WWOX: variants seen among roughly 807,000 people sequenced by gnomAD.
The protein encoded by WWOX is WW domain-containing oxidoreductase.
A neutral mutation model predicts 46.2 loss-of-function variants in WWOX; 69 were observed. The ratio of observed to expected loss-of-function variants is 1.49; its 90% CI spans 1.23 to 1.82. The LOEUF (loss-of-function observed/expected upper bound fraction) is 1.82. WWOX is among the 40% of genes most tolerant of loss of function. WWOX has a pLI of 0.00. For missense variants in WWOX, 919 were observed against 542.6 expected (o/e 1.69, Z -6.89); for synonymous variants, 359 against 202.6 (o/e 1.77, Z -6.56).
At position 79,085,625 on chromosome 16, in the gene WWOX, C is replaced by G. The variant is rs144266989; in HGVS notation, c.1057-125983C>G. ...GTGGTCCACATAGAAAAACCTGTTTCTCTATTTTGTTTTCAAAATTATATC... is the reference window on the plus strand; with the variant it reads ...GTGGTCCACATAGAAAAACCTGTTTGTCTATTTTGTTTTCAAAATTATATC... On this transcript the variant is annotated intron_variant, in intron 8 of 8. Coordinates refer to ENST00000566780, the MANE Select transcript of WWOX (RefSeq NM_016373.4). 7.3e-3 allele frequency among the ~76,000 whole-genome samples: 1,105 copies of G among 152,254 alleles called. 18 individuals are homozygous for G. Among genetic ancestry groups the G allele is most frequent in the African/African-American group, 0.025 (1,054 of 41,562 alleles).
chr16:78,490,556 T>C (rs1055920932), intron 8 of WWOX, among the ~76,000 whole-genome samples: 1 of 152,186 alleles, frequency 6.6e-6, no homozygotes, highest in Non-Finnish European at 1.5e-5. Flanking sequence ...TTCTGGCTTG[T>C]TGTGGGACGG....
intron 8 of WWOX, among the ~76,000 whole-genome samples, chr16:78,956,885 C>G (rs553705428): frequency 9.2e-5 from 14 of 152,254 alleles, no homozygotes; most frequent in Admixed American, 5.2e-4. Flanking sequence ...TTGAGCCACT[C>G]AAAATTCTGG....
intron 8 of WWOX, among the ~76,000 whole-genome samples, chr16:78,518,068 G>C (rs539203096): frequency 7.9e-5 from 12 of 152,026 alleles, no homozygotes; most frequent in African/African-American, 2.7e-4. Flanking sequence ...TGGAGCTTCA[G>C]TTTCCCCATC....
intron 5 of WWOX, among the ~76,000 whole-genome samples, chr16:78,297,226 G>A (rs944756449): frequency 1.3e-5 from 2 of 152,118 alleles, no homozygotes; most frequent in African/African-American, 4.8e-5. Flanking sequence ...CTCGCACGGA[G>A]CATGCAGCTG....
At chr16:78,897,191 C>G (rs141942530) in intron 8 of WWOX, 4 of 126,104 alleles carry the variant, frequency 3.2e-5, no homozygotes, top group Non-Finnish European at 4.7e-5. Flanking sequence ...TTGCAGTGAG[C>G]CAAGATGGCA....
rs565835850 is a variant in WWOX at position 78,571,078 on chromosome 16, CCTTT to C, written c.1056+138331_1056+138334del. ...TTGAGGTTTGAAGGGAAGTATTGCT[CCTTT>C]CTTTATCTGCAATGGGAAAGCTTAC... On this transcript the variant is annotated intron_variant, in intron 8 of 8. Coordinates refer to ENST00000566780, the MANE Select transcript of WWOX (RefSeq NM_016373.4). Among the ~76,000 whole-genome samples the C allele has an allele frequency of 3.3e-5, 5 of 152,134 alleles. No homozygotes were observed. The South Asian group carries it at 8.3e-4, about 25-fold the overall frequency.
At chr16:78,118,600 T>C (rs1411784983) in intron 4 of WWOX, among the ~76,000 whole-genome samples, 1 of 152,178 alleles carries the variant, frequency 6.6e-6, no homozygotes, top group Non-Finnish European at 1.5e-5. Flanking sequence ...CAAAATAATA[T>C]GGCCCTTTGC....
intron 8 of WWOX, among the ~76,000 whole-genome samples, chr16:78,920,501 C>T (rs1162621419): frequency 1.3e-5 from 2 of 152,134 alleles, no homozygotes; most frequent in Non-Finnish European, 2.9e-5. Context: ...CTGCCTGCAT[C>T]CCCAACCCAG....
rs756762196 is a variant in WWOX, at chr16:78,425,054, C to G, written c.790C>G (p.Arg264Gly). The G allele has an allele frequency of 2.5e-6, 4 of 1,613,428 alleles. No individual in the cohort carries two copies. The highest frequency in any genetic ancestry group is 3.4e-6 in the Non-Finnish European group (4 of 1,180,024). ...CATTGTGGTCTCCTCAGAGTCCCAT[C>G]GGTGGGTTTGAATTGCATATTTGTT... Reference protein sequence around the residue: ...RVIVVSSESHRFTDINDSLGK... With the variant: ...RVIVVSSESHGFTDINDSLGK... The change falls in exon 7 of 9, where the codon CGA becomes GGA. Residue 264 changes from arginine to glycine, a missense_variant and splice_region_variant. Arg to Gly is a moderately radical substitution (Grantham distance 125). Coordinates refer to ENST00000566780, the MANE Select transcript of WWOX (RefSeq NM_016373.4).
chr16:79,120,030 G>T (rs1305599102), intron 8 of WWOX, among the ~76,000 whole-genome samples: 1 of 152,166 alleles, frequency 6.6e-6, no homozygotes, highest in African/African-American at 2.4e-5. Flanking sequence ...CAGTGGCCGT[G>T]GCCTGGGCAG....
intron 8 of WWOX, among the ~76,000 whole-genome samples, chr16:78,445,546 G>A (rs905062319): frequency 1.3e-5 from 2 of 152,136 alleles, no homozygotes; most frequent in Non-Finnish European, 2.9e-5. Flanking sequence ...GCTTTAATTT[G>A]AGTAATTGTT....
At chr16:79,110,909 A>G (rs542891616) in intron 8 of WWOX, 1 of 152,314 alleles carries the variant, frequency 6.6e-6, no homozygotes, top group African/African-American at 2.4e-5. Flanking sequence ...GTTTTGAGAA[A>G]TGAGATATCG....
At chr16:78,753,046 G>T (rs1447956321) in intron 8 of WWOX, among the ~76,000 whole-genome samples, 4 of 152,192 alleles carry the variant, frequency 2.6e-5, no homozygotes, top group African/African-American at 7.2e-5. Context: ...TATAATCCCA[G>T]CACTTTGGGA....
chr16:78,382,033 A>G (rs996332858), intron 5 of WWOX, among the ~76,000 whole-genome samples: 5 of 151,994 alleles, frequency 3.3e-5, no homozygotes, highest in Non-Finnish European at 7.4e-5. Flanking sequence ...GTTATATTTT[A>G]GATGCTTTTT....
intron 8 of WWOX, among the ~76,000 whole-genome samples, chr16:79,021,018 A>G (rs975119406): frequency 6.6e-6 from 1 of 152,192 alleles, no homozygotes; most frequent in Admixed American, 6.5e-5. Context: ...TGGAAGACCA[A>G]GAGGATACAC....
At chr16:78,394,011 T>C (rs942069148) in intron 6 of WWOX, among the ~76,000 whole-genome samples, 2 of 152,228 alleles carry the variant, frequency 1.3e-5, no homozygotes, top group East Asian at 3.8e-4. Flanking sequence ...TGGATTCATA[T>C]TCCAAATTTT....
chr16:78,710,051 G>C (rs987167032), intron 8 of WWOX, among the ~76,000 whole-genome samples: 2 of 152,004 alleles, frequency 1.3e-5, no homozygotes, highest in African/African-American at 2.4e-5. Flanking sequence ...TTTCTTACCA[G>C]CCTGGGCCAG....
chr16:78,472,020 C>T (rs2084235083), intron 8 of WWOX, among the ~76,000 whole-genome samples: 1 of 152,036 alleles, frequency 6.6e-6, no homozygotes, highest in Non-Finnish European at 1.5e-5. Context: ...GAAGACATTC[C>T]TTTGATTATT....
At position 78,355,787 on chromosome 16, in the gene WWOX, C is replaced by T. The variant is rs530999621; in HGVS notation, c.517-31073C>T. The T allele has an allele frequency of 8.6e-5, 62 of 717,812 alleles. 1 individual carries two copies. Among genetic ancestry groups the T allele is most frequent in the Admixed American group, 4.1e-4 (22 of 53,040 alleles). 44.5% of individuals were successfully genotyped at this position (717,812 alleles called of 1,614,324 possible). ...ACAGAATATTCCAGTGTTCTTTCTC[C>T]GGGGAGATGGCATTTTCCTGGTTGC... On this transcript the variant is annotated intron_variant, in intron 5 of 8. Coordinates refer to ENST00000566780, the MANE Select transcript of WWOX (RefSeq NM_016373.4).
Sources: gnomAD v4.1 joint callset for allele counts (sites outside exome capture counted in the v4.1 genomes callset) on GRCh38, gnomAD v4.1.1 for gene constraint, MANE v1.5 for transcripts, NCBI Gene and HGNC (gene_info 2026-07-23, HGNC 2026-07-21) for gene names.